The following RANBP2 variants were observed in gnomAD, a reference collection of about 807,000 sequenced individuals.
RANBP2 encodes E3 SUMO-protein ligase RanBP2.
Under a neutral mutation model 303.6 loss-of-function variants are expected in RANBP2, and 57 were observed. The ratio of observed to expected loss-of-function variants is 0.19; its 90% CI spans 0.15 to 0.23. RANBP2 has a LOEUF of 0.23. Among genes scored for constraint, RANBP2 ranks in the 10% least tolerant of loss-of-function variants. The pLI is 1.00. For missense variants in RANBP2, 3,138 were observed against 3,780.8 expected (o/e 0.83, Z 4.46); for synonymous variants, 1,167 against 1,301.5 (o/e 0.90, Z 2.23).
At chr2:108,847,613 G>A in the RANBP2 span, among the ~76,000 whole-genome samples, 1 of 152,140 alleles carries the variant, frequency 6.6e-6, no homozygotes. Flanking sequence ...AGCTATAACA[G>A]GTTATATTAT....
At chr2:109,140,845 A>G in the RANBP2 span, among the ~76,000 whole-genome samples, 2 of 152,166 alleles carry the variant, frequency 1.3e-5, no homozygotes, top group Non-Finnish European at 2.9e-5. Flanking sequence ...TTAGACTATC[A>G]ACACCTACAC....
the RANBP2 span, among the ~76,000 whole-genome samples, chr2:109,748,700 C>A: frequency 2.0e-5 from 3 of 149,468 alleles, no homozygotes; most frequent in Admixed American, 6.7e-5. Context: ...TGGCAAAACC[C>A]CATCTCTACG....
At chr2:108,729,986 T>C (rs1324443071) in intron 2 of RANBP2, among the ~76,000 whole-genome samples, 1 of 151,904 alleles carries the variant, frequency 6.6e-6, no homozygotes, top group Non-Finnish European at 1.5e-5. Flanking sequence ...CCCGTAGTGT[T>C]GGGACTACAG....
the RANBP2 span, among the ~76,000 whole-genome samples, chr2:109,215,547 C>T: frequency 1.3e-5 from 2 of 152,264 alleles, no homozygotes; most frequent in South Asian, 4.2e-4. Flanking sequence ...GTGGGTTCCT[C>T]TCGGGAGAGC....
At chr2:109,518,198 C>T in the RANBP2 span, among the ~76,000 whole-genome samples, 1 of 152,216 alleles carries the variant, frequency 6.6e-6, no homozygotes, top group Admixed American at 6.5e-5. Context: ...TCCTTCTATT[C>T]AGCATGAAGT....
At chr2:108,723,069 TCTTGCTGTGTTGCC>T (rs947521851) in intron 1 of RANBP2, among the ~76,000 whole-genome samples, 9 of 152,088 alleles carry the variant, frequency 5.9e-5, no homozygotes, top group African/African-American at 2.2e-4. Context: ...TAGAATAGGG[TCTTGCTGTGTTGCC>T]CAGGCTGCCA....
the RANBP2 span, among the ~76,000 whole-genome samples, chr2:109,339,328 A>G: frequency 1.3e-5 from 2 of 152,140 alleles, no homozygotes; most frequent in Non-Finnish European, 2.9e-5. Context: ...AAATGTATAT[A>G]TAGTAAGATG....
At chr2:108,918,420 G>A in the RANBP2 span, among the ~76,000 whole-genome samples, 4 of 152,320 alleles carry the variant, frequency 2.6e-5, no homozygotes, top group Middle Eastern at 3.4e-3. Flanking sequence ...TGCTCCAGGT[G>A]GGTTTCTGTT....
chr2:109,193,791 G>C, the RANBP2 span, among the ~76,000 whole-genome samples: 1 of 152,206 alleles, frequency 6.6e-6, no homozygotes, highest in Non-Finnish European at 1.5e-5. Context: ...CATTTGTGCA[G>C]TGCTTAGTGC....
At chr2:108,803,156 A>G in the RANBP2 span, among the ~76,000 whole-genome samples, 23 of 152,328 alleles carry the variant, frequency 1.5e-4, no homozygotes, top group Admixed American at 5.2e-4. Flanking sequence ...AGTGTTAGCC[A>G]AGACTTAGGT....
the RANBP2 span, among the ~76,000 whole-genome samples, chr2:109,609,084 C>T: frequency 6.6e-6 from 1 of 152,144 alleles, no homozygotes; most frequent in East Asian, 1.9e-4. Flanking sequence ...CATAACCTGG[C>T]ACTATGTTAT....
the RANBP2 span, among the ~76,000 whole-genome samples, chr2:109,178,908 ATGGACCATCTT>A: frequency 6.6e-6 from 1 of 152,164 alleles, no homozygotes; most frequent in Non-Finnish European, 1.5e-5. Flanking sequence ...GAAAGTAGTT[ATGGACCATCTT>A]CCCTGTGTAA....
chr2:109,635,407 TC>T, the RANBP2 span, among the ~76,000 whole-genome samples: 1 of 152,212 alleles, frequency 6.6e-6, no homozygotes, highest in Non-Finnish European at 1.5e-5. Flanking sequence ...GGCCTCGAAC[TC>T]CTGACCTCAG....
chr2:109,198,353 C>T, the RANBP2 span, among the ~76,000 whole-genome samples: 1 of 136,730 alleles, frequency 7.3e-6, no homozygotes, highest in Admixed American at 7.9e-5. Context: ...TCACTTCAAA[C>T]ATCCTTGTGA....
chr2:109,082,388 C>T, the RANBP2 span, among the ~76,000 whole-genome samples: 1 of 152,070 alleles, frequency 6.6e-6, no homozygotes, highest in Non-Finnish European at 1.5e-5. Flanking sequence ...GCAACCTCCG[C>T]TTCCCGGGTT....
chr2:108,951,387 C>G, the RANBP2 span, among the ~76,000 whole-genome samples: 29 of 152,256 alleles, frequency 1.9e-4, 2 homozygotes, highest in Admixed American at 1.8e-3. Flanking sequence ...GCATTGTGTC[C>G]AAGGTCATAC....
chr2:109,150,998 G>C, the RANBP2 span, among the ~76,000 whole-genome samples: 1 of 152,312 alleles, frequency 6.6e-6, no homozygotes, highest in African/African-American at 2.4e-5. Context: ...CTGAAACATT[G>C]ATGAAGGTCG....
At chr2:109,326,260 G>A in the RANBP2 span, among the ~76,000 whole-genome samples, 1 of 152,088 alleles carries the variant, frequency 6.6e-6, no homozygotes, top group Non-Finnish European at 1.5e-5. Flanking sequence ...CATAGATGTC[G>A]CTCATTTGTT....
the RANBP2 span, chr2:108,911,218 G>C: frequency 2.0e-6 from 2 of 1,022,806 alleles, no homozygotes; most frequent in African/African-American, 1.6e-5. Context: ...CTTAGACTGA[G>C]AACCAAATCC....
Sources: allele counts gnomAD v4.1 joint callset (sites outside exome capture counted in the v4.1 genomes callset), GRCh38; gene constraint gnomAD v4.1.1; transcripts MANE v1.5; gene names NCBI Gene and HGNC (gene_info 2026-07-23, HGNC 2026-07-21).